The following TDRP variants were observed in gnomAD, a reference collection of about 807,000 sequenced individuals.
The protein encoded by TDRP is testis development-related protein.
In TDRP, 12 loss-of-function variants were observed where a neutral mutation model predicts 10.5. That is an observed-to-expected ratio of 1.15 (90% CI 0.73 to 1.86). The LOEUF (loss-of-function observed/expected upper bound fraction) is 1.86. Among genes scored for constraint, TDRP ranks in the 40% most tolerant of loss-of-function variants. TDRP has a pLI of 0.00. For missense variants in TDRP, 353 were observed against 229.2 expected, an observed-to-expected ratio of 1.54 and a Z score of -3.49; for synonymous variants, 139 against 95.4, an observed-to-expected ratio of 1.46 and a Z score of -2.67.
At chr8:540,661 A>G (rs1403258869) in intron 1 of TDRP, among the ~76,000 whole-genome samples, 1 of 152,186 alleles carries the variant, frequency 6.6e-6, no homozygotes, top group East Asian at 1.9e-4. Flanking sequence ...AAAAGGGCCC[A>G]TAGCCTAAAA....
intron 1 of TDRP, among the ~76,000 whole-genome samples, chr8:510,706 G>C (rs949249648): frequency 1.3e-5 from 2 of 152,198 alleles, no homozygotes; most frequent in South Asian, 4.1e-4. Flanking sequence ...CTTCTTGTTA[G>C]CAAACCCACC....
At chr8:535,389 G>T (rs748696016) in intron 1 of TDRP, among the ~76,000 whole-genome samples, 3 of 152,042 alleles carry the variant, frequency 2.0e-5, no homozygotes, top group Non-Finnish European at 4.4e-5. Flanking sequence ...GTTATATACA[G>T]CACCAAGACA....
intron 1 of TDRP, among the ~76,000 whole-genome samples, chr8:533,965 G>A (rs567590056): frequency 7.5e-4 from 114 of 152,256 alleles, no homozygotes; most frequent in African/African-American, 2.3e-3. Flanking sequence ...CATGTTTACT[G>A]TATTGAAAAT....
intron 1 of TDRP, among the ~76,000 whole-genome samples, chr8:502,281 T>A (rs190247680): frequency 4.6e-5 from 7 of 152,220 alleles, no homozygotes; most frequent in Admixed American, 1.3e-4. Context: ...CTGGAAAACA[T>A]TGGTTGATGA....
At chr8:508,515 G>C (rs549646008) in intron 1 of TDRP, among the ~76,000 whole-genome samples, 1 of 152,242 alleles carries the variant, frequency 6.6e-6, no homozygotes, top group African/African-American at 2.4e-5. Context: ...GAAGGGGGAA[G>C]ACTCCCTTAT....
intron 1 of TDRP, among the ~76,000 whole-genome samples, chr8:522,059 T>C (rs1175332698): frequency 6.6e-6 from 1 of 152,234 alleles, no homozygotes; most frequent in Non-Finnish European, 1.5e-5. Context: ...ATGTTGATAT[T>C]GTATCCTGCA....
At chr8:516,286 G>A (rs576252217) in intron 1 of TDRP, among the ~76,000 whole-genome samples, 2 of 152,202 alleles carry the variant, frequency 1.3e-5, no homozygotes, top group South Asian at 2.1e-4. Flanking sequence ...TGTCCCTCAG[G>A]AATGTGGAAT....
chr8:494,135 T>G (rs939388015), intron 2 of TDRP, among the ~76,000 whole-genome samples: 3 of 151,914 alleles, frequency 2.0e-5, no homozygotes, highest in African/African-American at 7.2e-5. Context: ...TTCTGATTTT[T>G]TTTTTTTAGT....
At chr8:513,565 G>C (rs1418361448) in intron 1 of TDRP, among the ~76,000 whole-genome samples, 1 of 152,176 alleles carries the variant, frequency 6.6e-6, no homozygotes, top group African/African-American at 2.4e-5. Context: ...AATGGTTAAA[G>C]ACTGAAAGCT....
intron 1 of TDRP, among the ~76,000 whole-genome samples, chr8:506,324 G>A (rs1381537119): frequency 2.6e-5 from 4 of 152,178 alleles, no homozygotes; most frequent in Admixed American, 2.6e-4. Context: ...AGCGGGGGGA[G>A]GGGAGGAGAA....
intron 1 of TDRP, among the ~76,000 whole-genome samples, chr8:529,916 T>C (rs529901131): frequency 1.7e-4 from 26 of 152,304 alleles, no homozygotes; most frequent in Non-Finnish European, 3.4e-4. Context: ...TGGATGTCCA[T>C]TTTCTTCCTC....
At chr8:495,766 T>A (rs566841337) in intron 1 of TDRP, among the ~76,000 whole-genome samples, 1 of 152,320 alleles carries the variant, frequency 6.6e-6, no homozygotes, top group Admixed American at 6.5e-5. Context: ...GGATAATGAA[T>A]ACAATTCAAT....
chr8:508,244 G>T (rs957724285), intron 1 of TDRP, among the ~76,000 whole-genome samples: 2 of 152,134 alleles, frequency 1.3e-5, no homozygotes, highest in African/African-American at 2.4e-5. Context: ...TTCACTAGAG[G>T]GGTTTTACAG....
intron 1 of TDRP, among the ~76,000 whole-genome samples, chr8:527,983 G>C (rs1802080115): frequency 1.3e-5 from 2 of 152,054 alleles, no homozygotes. Flanking sequence ...CACACAGAAT[G>C]GGAAAAAATA....
intron 1 of TDRP, among the ~76,000 whole-genome samples, chr8:540,806 TAAAAA>T (rs60390652): frequency 0.011 from 1,365 of 124,992 alleles, 14 homozygotes; most frequent in African/African-American, 0.035. Context: ...CTTTTTCACG[TAAAAA>T]AAAAAAAAAA....
intron 1 of TDRP, among the ~76,000 whole-genome samples, chr8:538,973 C>T (rs1190786022): frequency 3.9e-5 from 6 of 152,216 alleles, no homozygotes; most frequent in African/African-American, 1.4e-4. Flanking sequence ...TGCACGCATC[C>T]TCGGACAGCT....
chr8:537,431 T>G (rs1309299641), intron 1 of TDRP, among the ~76,000 whole-genome samples: 1 of 152,220 alleles, frequency 6.6e-6, no homozygotes, highest in African/African-American at 2.4e-5. Context: ...GTAAAAAGCA[T>G]TAACTATTTC....
At chr8:507,539 G>GTCAC (rs1801500039) in intron 1 of TDRP, among the ~76,000 whole-genome samples, 1 of 152,132 alleles carries the variant, frequency 6.6e-6, no homozygotes, top group Admixed American at 6.5e-5. Flanking sequence ...GCTGCATGCG[G>GTCAC]TCACGGACAG....
chr8:505,012 A>C (rs930597259), intron 1 of TDRP, among the ~76,000 whole-genome samples: 4 of 152,266 alleles, frequency 2.6e-5, no homozygotes, highest in African/African-American at 9.6e-5. Flanking sequence ...TGATGAAATA[A>C]AAATATTTCA....
Sources: gnomAD v4.1 joint callset for allele counts (sites outside exome capture counted in the v4.1 genomes callset) on GRCh38, gnomAD v4.1.1 for gene constraint, MANE v1.5 for transcripts, NCBI Gene and HGNC (gene_info 2026-07-23, HGNC 2026-07-21) for gene names.